Variants in CFAP77 observed in about 807,000 individuals in gnomAD.
The protein encoded by CFAP77 is cilia and flagella associated protein 77, also known as cilia- and flagella-associated protein 77.
Under a neutral mutation model 31.1 loss-of-function variants are expected in CFAP77, and 25 were observed. The ratio of observed to expected loss-of-function variants is 0.80; its 90% CI spans 0.59 to 1.12. CFAP77 has a LOEUF of 1.12. CFAP77 is among the 50% of genes most tolerant of loss of function. The pLI, the probability that CFAP77 is intolerant of heterozygous loss-of-function variation, is 0.00. For synonymous variants in CFAP77, 151 were observed against 159.9 expected, an observed-to-expected ratio of 0.94 and a Z score of 0.42; for missense variants, 377 against 397.3, an observed-to-expected ratio of 0.95 and a Z score of 0.44.
At chr9:132,502,518 T>G (rs4962068) in intron 3 of CFAP77, among the ~76,000 whole-genome samples, 41,013 of 151,990 alleles carry the variant, frequency 0.27, 6,130 homozygotes, top group East Asian at 0.48. Context: ...CCCACCATTC[T>G]ACTTTCTGTT....
At chr9:132,558,742 G>A (rs903585557) in intron 5 of CFAP77, among the ~76,000 whole-genome samples, 3 of 151,756 alleles carry the variant, frequency 2.0e-5, no homozygotes, top group Non-Finnish European at 2.9e-5. Flanking sequence ...GACGGGTGCG[G>A]TGGCTCACGT....
chr9:132,506,949 G>A (rs1851939920), intron 3 of CFAP77, among the ~76,000 whole-genome samples: 1 of 152,198 alleles, frequency 6.6e-6, no homozygotes, highest in South Asian at 2.1e-4. Flanking sequence ...AGGGGTAGAG[G>A]TGACACGGGC....
rs944028094 is a variant in CFAP77, at chr9:132,511,704, G to A, written c.524+12104G>A. Among the ~76,000 whole-genome samples, 6 of 152,114 alleles carry A rather than the reference G, an allele frequency of 3.9e-5. No homozygotes were observed. The highest frequency in any genetic ancestry group is 2.6e-4 in the Admixed American group (4 of 15,268). On this transcript the variant is annotated intron_variant, in intron 3 of 5. Transcript: ENST00000393216. The surrounding 1 kb of genome is among the most constrained non-coding windows in gnomAD (Gnocchi z 5.8). Reference sequence around the variant, plus strand: ...GCTACAGGAGCTGTTGAAAATCATCGTTTGTTAATTTCCTGGGGTTTCTGA... The same window carrying A: ...GCTACAGGAGCTGTTGAAAATCATCATTTGTTAATTTCCTGGGGTTTCTGA...
chr9:132,561,821 G>A (rs1162106618), intron 5 of CFAP77, among the ~76,000 whole-genome samples: 2 of 152,112 alleles, frequency 1.3e-5, no homozygotes, highest in Admixed American at 6.5e-5. Flanking sequence ...CAGAGGCGTC[G>A]GGTGGAGGCA....
chr9:132,502,779 G>A (rs932387173), intron 3 of CFAP77, among the ~76,000 whole-genome samples: 1 of 152,242 alleles, frequency 6.6e-6, no homozygotes, highest in African/African-American at 2.4e-5. Context: ...ACGGACACGT[G>A]TCTGTTCCAG....
chr9:132,469,979 A>C, intron 1 of CFAP77, among the ~76,000 whole-genome samples: 1 of 152,070 alleles, frequency 6.6e-6, no homozygotes, highest in African/African-American at 2.4e-5. Context: ...AGCTGGGATA[A>C]CAGGCATGTG....
intron 1 of CFAP77, among the ~76,000 whole-genome samples, chr9:132,457,048 A>T (rs1290198606): frequency 3.9e-5 from 6 of 152,124 alleles, no homozygotes. Context: ...CAGATCTTTA[A>T]AAAGACCCAT....
chr9:132,510,793 C>A (rs994534204), intron 3 of CFAP77, among the ~76,000 whole-genome samples: 12 of 152,266 alleles, frequency 7.9e-5, no homozygotes, highest in South Asian at 4.1e-4. Flanking sequence ...ACCGCTGGAG[C>A]CTTGCATTCG....
chr9:132,555,553 G>A (rs1852889254), intron 5 of CFAP77, among the ~76,000 whole-genome samples: 1 of 152,186 alleles, frequency 6.6e-6, no homozygotes, highest in African/African-American at 2.4e-5. Context: ...ACCTGAGAAA[G>A]CACTGTCAGG....
intron 1 of CFAP77, among the ~76,000 whole-genome samples, chr9:132,450,547 G>A (rs908488827): frequency 6.6e-5 from 10 of 152,122 alleles, no homozygotes; most frequent in South Asian, 2.1e-4. Context: ...CCCTTTTCAC[G>A]GATGAGGAAA....
chr9:132,430,420 C>G (rs1335376618), intron 1 of CFAP77, among the ~76,000 whole-genome samples: 1 of 152,104 alleles, frequency 6.6e-6, no homozygotes, highest in African/African-American at 2.4e-5. Flanking sequence ...CAAATCATAG[C>G]CTTAAGATAG....
chr9:132,442,018 T>C (rs929055989), intron 1 of CFAP77, among the ~76,000 whole-genome samples: 2 of 152,226 alleles, frequency 1.3e-5, no homozygotes, highest in Non-Finnish European at 2.9e-5. Flanking sequence ...GGAGGTTCAG[T>C]TGTACACTGT....
chr9:132,507,316 TA>T (rs1851948059), intron 3 of CFAP77, among the ~76,000 whole-genome samples: 1 of 152,154 alleles, frequency 6.6e-6, no homozygotes, highest in Non-Finnish European at 1.5e-5. Context: ...GGTCCAGATA[TA>T]AAGCCAGTTG....
rs60525232 is a variant in CFAP77 at position 132,554,924 on chromosome 9, G to C, written c.732+11877G>C. 1.4e-3 allele frequency among the ~76,000 whole-genome samples: 195 copies of C among 138,898 alleles called. No homozygotes were observed. Among genetic ancestry groups the C allele is most frequent in the Non-Finnish European group, 2.1e-3 (138 of 64,670 alleles). The allele number at this position is 138,898 out of a possible 152,430, so 91.1% of individuals were successfully genotyped here. ...TCCATCCATCTATGCATGCATGCAT[G>C]CATCCATCCATCCACCCATCCATCC... is the stretch of plus-strand genomic sequence containing the variant. On this transcript the variant is annotated intron_variant, in intron 5 of 5. Transcript: ENST00000393216. The surrounding 1 kb of genome is among the most constrained non-coding windows in gnomAD (Gnocchi z 4.1).
Position 132,479,977 on chromosome 9 carries a change from C to T in CFAP77, c.196-18718C>T, listed in dbSNP as rs1851418504. On this transcript the variant is annotated intron_variant, in intron 1 of 5. Coordinates refer to ENST00000393216, the MANE Select transcript of CFAP77 (RefSeq NM_001282957.2). ...CTGAGCTCTCCACTGTGCGCCTCTG[C>T]CTCCCTGAGCAGGAGAAGCAGATGA... Among the ~76,000 whole-genome samples, 3 of 152,170 alleles carry T rather than the reference C, an allele frequency of 2.0e-5. No individual in the cohort carries two copies. In the South Asian group the frequency reaches 6.2e-4, roughly 32 times the overall value.
chr9:132,539,042 G>A lies in CFAP77; in HGVS notation c.630+1336G>A, dbSNP rs549543994. On this transcript the variant is annotated intron_variant, in intron 4 of 5. Transcript: ENST00000393216. The surrounding 1 kb of genome is among the most constrained non-coding windows in gnomAD (Gnocchi z 4.3). ...GTGGAGGTTGCAGTGAGCCAAGATC[G>A]TGCCACTGCACTCCAGCCTGGGCAA... 4.6e-5 allele frequency among the ~76,000 whole-genome samples: 7 copies of A among 152,122 alleles called. No individual in the cohort carries two copies. The highest frequency in any genetic ancestry group is 4.1e-4 in the South Asian group (2 of 4,828).
intron 5 of CFAP77, among the ~76,000 whole-genome samples, chr9:132,566,644 C>T (rs1442422522): frequency 1.3e-5 from 2 of 152,168 alleles, no homozygotes; most frequent in Middle Eastern, 3.2e-3. Flanking sequence ...GCCCCATCTC[C>T]CTTCTCTTTC....
intron 1 of CFAP77, among the ~76,000 whole-genome samples, chr9:132,458,353 G>GC (rs1298205442): frequency 0.011 from 1,282 of 117,238 alleles, 78 homozygotes; most frequent in African/African-American, 0.041. Flanking sequence ...GGGGGAGGGG[G>GC]GGGGGTGTGT....
chr9:132,417,258 G>T (rs1015571981), intron 1 of CFAP77, among the ~76,000 whole-genome samples: 2 of 151,942 alleles, frequency 1.3e-5, no homozygotes, highest in African/African-American at 2.4e-5. Flanking sequence ...GGGATTACAG[G>T]TGCCTGCCAC....
Sources: allele counts gnomAD v4.1 joint callset (sites outside exome capture counted in the v4.1 genomes callset), GRCh38; gene constraint gnomAD v4.1.1; non-coding constraint Gnocchi (gnomAD v3.1); transcripts MANE v1.5; gene names NCBI Gene and HGNC (gene_info 2026-07-23, HGNC 2026-07-21).